Variants in VPS54 observed in about 807,000 individuals in gnomAD.
VPS54 encodes the protein VPS54 subunit of GARP complex, also known as vacuolar protein sorting-associated protein 54.
A neutral mutation model predicts 121.5 loss-of-function variants in VPS54; 45 were observed. The observed-to-expected ratio is 0.37, with a 90% CI of 0.29 to 0.47. The LOEUF is 0.47. Ranked by LOEUF, VPS54 falls within the 20% of genes least tolerant of loss-of-function variation. The probability of loss-of-function intolerance (pLI) is 0.99; values close to 1 mark genes in which losing one functional copy is unlikely to be tolerated. For synonymous variants in VPS54, 371 were observed against 385.8 expected (o/e 0.96, Z 0.45); for missense variants, 1,090 against 1,131.4 (o/e 0.96, Z 0.52).
At chr2:63,945,867 G>C (rs1231731740) in intron 9 of VPS54, among the ~76,000 whole-genome samples, 2 of 152,120 alleles carry the variant, frequency 1.3e-5, no homozygotes, top group Non-Finnish European at 2.9e-5. Context: ...TAGATTTGAA[G>C]TCTGGGAATT....
chr2:63,907,951 G>A (rs1672976747), intron 20 of VPS54, among the ~76,000 whole-genome samples: 1 of 152,246 alleles, frequency 6.6e-6, no homozygotes, highest in South Asian at 2.1e-4. Context: ...TACATGGCAA[G>A]TAAAAAGGCA....
Position 63,933,789 on chromosome 2 carries a change from A to G in VPS54, c.1623T>C (p.Ser541=). The change falls in exon 12 of 23, where the codon TCT becomes TCC. Residue 541 remains serine (S), a synonymous_variant. Coordinates refer to ENST00000272322, the MANE Select transcript of VPS54 (RefSeq NM_016516.3). ...CACTGCTGCAGGGCTCACTATTTGG[A>G]GATGCATTTCTTTGAGAGGTAGTGT... The part of the protein sequence containing the change: ...AVDTTSQRNA[S]PNSEPCSSDS... 1 of 1,613,890 alleles carries G rather than the reference A, an allele frequency of 6.2e-7. No homozygotes were observed. The highest frequency in any genetic ancestry group is 8.5e-7 in the Non-Finnish European group (1 of 1,179,860).
intron 7 of VPS54, among the ~76,000 whole-genome samples, chr2:63,951,934 C>T (rs1359267866): frequency 6.6e-6 from 1 of 152,086 alleles, no homozygotes; most frequent in Non-Finnish European, 1.5e-5. Context: ...TGATTGTTTT[C>T]CACAGACAAA....
intron 6 of VPS54, among the ~76,000 whole-genome samples, chr2:63,963,087 G>A (rs1025886324): frequency 3.3e-5 from 5 of 151,992 alleles, no homozygotes; most frequent in Non-Finnish European, 7.4e-5. Context: ...ATCCAAGATA[G>A]ACTGATGGTT....
At position 63,912,611 on chromosome 2, in the gene VPS54, G is replaced by A. The variant is rs776132396; in HGVS notation, c.2473C>T (p.Arg825Trp). The A allele has an allele frequency of 8.8e-6, 14 of 1,595,750 alleles. No homozygotes were observed. The highest frequency in any genetic ancestry group is 2.2e-5 in the East Asian group (1 of 44,636). Residue 825 changes from arginine (R) to tryptophan (W), a missense_variant, in exon 19 of 23, where the codon CGG (arginine) becomes TGG (tryptophan). Transcript: ENST00000272322. ...GGTAGTCGAGCTTCAAAATGAGCCC[G>A]GATCACAGGAATGTAGTGCACAATT... ...QLIVHYIPVI[R>W]AHFEARLPPK...
intron 11 of VPS54, among the ~76,000 whole-genome samples, chr2:63,941,693 T>A (rs1674738441): frequency 6.6e-6 from 1 of 152,102 alleles, no homozygotes. Context: ...ATGTAACACA[T>A]GATGCTTGAT....
intron 11 of VPS54, among the ~76,000 whole-genome samples, chr2:63,939,969 G>A (rs1412747893): frequency 1.3e-5 from 2 of 152,116 alleles, no homozygotes; most frequent in African/African-American, 2.4e-5. Flanking sequence ...TATTGGCCAG[G>A]ATGGTCTCGA....
At chr2:64,011,805 T>C (rs564390829) in intron 1 of VPS54, among the ~76,000 whole-genome samples, 5 of 152,288 alleles carry the variant, frequency 3.3e-5, no homozygotes, top group African/African-American at 7.2e-5. Context: ...ATTAGCAAGA[T>C]AATCTTAAAA....
At chr2:63,976,673 G>T (rs1052991388) in intron 3 of VPS54, among the ~76,000 whole-genome samples, 9 of 151,968 alleles carry the variant, frequency 5.9e-5, no homozygotes. Context: ...GGTAAATTGT[G>T]TCTTTCAAAA....
rs374339034 is a variant in VPS54, at chr2:63,916,926, G to T, written c.2202C>A (p.Val734=). The T allele has an allele frequency of 1.4e-4, 219 of 1,613,394 alleles. No homozygotes were observed. Among genetic ancestry groups the T allele is most frequent in the South Asian group, 7.2e-4 (66 of 91,052 alleles). The stretch of plus-strand genomic sequence containing the variant: ...CAACAACTGCATACTGTTGTCCCTC[G>T]ACAATAAGAACTTCAGCTGGTTTCC... ...EERKPAEVLI[V]EGQQYAVVGT... is the part of the protein sequence containing the mutation. The change falls in exon 16 of 23, where the codon GTC becomes GTA. Residue 734 remains valine (V), a synonymous_variant. Transcript: ENST00000272322.
chr2:63,995,156 G>A (rs532311980), intron 1 of VPS54, among the ~76,000 whole-genome samples: 88 of 152,288 alleles, frequency 5.8e-4, no homozygotes, highest in East Asian at 2.3e-3. Context: ...CCCTGCTACC[G>A]TCCCCCTCTC....
At chr2:63,980,127 A>G (rs142198142) in intron 3 of VPS54, among the ~76,000 whole-genome samples, 1 of 152,310 alleles carries the variant, frequency 6.6e-6, no homozygotes, top group East Asian at 1.9e-4. Context: ...CATGTTTTGA[A>G]GCATGCTATT....
intron 13 of VPS54, among the ~76,000 whole-genome samples, chr2:63,920,850 A>G (rs1673609654): frequency 6.6e-6 from 1 of 152,142 alleles, no homozygotes. Flanking sequence ...GTCATACTAT[A>G]AAATTTTCAC....
rs938868370 is a variant in VPS54, at chr2:63,933,808, G to A, written c.1604C>T (p.Thr535Ile). Residue 535 changes from threonine (T) to isoleucine (I), a missense_variant, in exon 12 of 23, where the codon ACC (threonine) becomes ATC (isoleucine). Thr to Ile is a moderately conservative substitution (Grantham distance 89). Coordinates refer to ENST00000272322, the MANE Select transcript of VPS54 (RefSeq NM_016516.3). ...ATTTGGAGATGCATTTCTTTGAGAGGTAGTGTCAACTGCTATAGGTGTTAG... is the reference window on the plus strand; with the variant it reads ...ATTTGGAGATGCATTTCTTTGAGAGATAGTGTCAACTGCTATAGGTGTTAG... ...GELTPIAVDT[T>I]SQRNASPNSE... 1 of 1,613,896 alleles carries A rather than the reference G, an allele frequency of 6.2e-7. No individual in the cohort carries two copies.
At chr2:63,949,225 A>G in intron 7 of VPS54, 62 bp from the exon 8 acceptor site, 2 of 1,529,124 alleles carry the variant, frequency 1.3e-6, no homozygotes, top group Non-Finnish European at 1.8e-6. Flanking sequence ...TCGCTCCACA[A>G]TCAAGGGAAC....
chr2:63,999,000 G>A (rs908545735), intron 1 of VPS54, among the ~76,000 whole-genome samples: 6 of 152,076 alleles, frequency 3.9e-5, no homozygotes, highest in African/African-American at 1.4e-4. Flanking sequence ...AGGCTGGAGT[G>A]CGGTGGCACC....
chr2:64,005,543 G>A (rs1031879023), intron 1 of VPS54, among the ~76,000 whole-genome samples: 1 of 152,226 alleles, frequency 6.6e-6, no homozygotes, highest in Non-Finnish European at 1.5e-5. Context: ...TACAGGTACT[G>A]TAAATGTACT....
intron 13 of VPS54, among the ~76,000 whole-genome samples, chr2:63,920,929 A>G (rs59066671): frequency 0.012 from 1,817 of 152,248 alleles, 87 homozygotes; most frequent in Admixed American, 0.076. Context: ...GACTTACTAT[A>G]TATGTAAAAC....
rs368681209 is a variant in VPS54 at position 63,921,286 on chromosome 2, T to C, written c.1789A>G (p.Asn597Asp). The C allele has an allele frequency of 6.8e-6, 11 of 1,613,158 alleles. No individual in the cohort carries two copies. The highest frequency in any genetic ancestry group is 9.3e-6 in the Non-Finnish European group (11 of 1,179,560). ...LTDSELGKLANNIQELLYSAS... is the reference protein window; with the variant it reads ...LTDSELGKLADNIQELLYSAS... ...CTATATAATAATTCCTGGATATTAT[T>C]TGCCAGCTTTCCTAGCTCTGAGTCA... is the stretch of plus-strand genomic sequence containing the variant. Residue 597 changes from asparagine (N) to aspartate (D), a missense_variant, in exon 13 of 23, where the codon AAT (asparagine) becomes GAT (aspartate). Coordinates refer to ENST00000272322, the MANE Select transcript of VPS54 (RefSeq NM_016516.3).
Sources: gnomAD v4.1 joint callset for allele counts (sites outside exome capture counted in the v4.1 genomes callset) on GRCh38, gnomAD v4.1.1 for gene constraint, MANE v1.5 for transcripts, NCBI Gene and HGNC (gene_info 2026-07-23, HGNC 2026-07-21) for gene names.